Variants in LONRF2 observed in about 807,000 individuals in gnomAD.
The protein encoded by LONRF2 is LON peptidase N-terminal domain and ring finger 2, also known as LON peptidase N-terminal domain and RING finger protein 2.
A neutral mutation model predicts 66.6 loss-of-function variants in LONRF2; 35 were observed. The observed-to-expected ratio is 0.53, with a 90% CI of 0.40 to 0.70. The LOEUF (loss-of-function observed/expected upper bound fraction) is 0.70. LONRF2 is among the 30% of genes least tolerant of loss of function. The pLI is 0.00. For synonymous variants in LONRF2, 417 were observed against 418.1 expected (o/e 1.00, Z 0.03); for missense variants, 902 against 1,002.1 (o/e 0.90, Z 1.35).
chr2:100,295,691 G>C, intron 7 of LONRF2, 138 bp from the exon 8 acceptor site: 1 of 757,780 alleles, frequency 1.3e-6, no homozygotes, highest in Non-Finnish European at 2.0e-6. Context: ...AGAGAGAGGC[G>C]GGCCAGCCTG....
chr2:100,285,375 T>A (rs1483234593), intron 11 of LONRF2, among the ~76,000 whole-genome samples: 1 of 152,088 alleles, frequency 6.6e-6, no homozygotes, highest in African/African-American at 2.4e-5. Context: ...AAAACAACCT[T>A]TTATACAGAT....
chr2:100,300,298 C>A (rs7563954), intron 4 of LONRF2, among the ~76,000 whole-genome samples: 4 of 151,618 alleles, frequency 2.6e-5, no homozygotes, highest in Admixed American at 6.6e-5. Flanking sequence ...ATGTGTACAA[C>A]GTGCAGGTTT....
chr2:100,307,831 C>A (rs539326064), intron 2 of LONRF2, among the ~76,000 whole-genome samples: 1 of 152,270 alleles, frequency 6.6e-6, no homozygotes, highest in East Asian at 1.9e-4. Context: ...TTCAAATCTA[C>A]ATATTGCACC....
intron 2 of LONRF2, among the ~76,000 whole-genome samples, chr2:100,307,638 C>A (rs1373447455): frequency 6.6e-6 from 1 of 152,122 alleles, no homozygotes. Flanking sequence ...TTCAGCTGAA[C>A]AGGAGAAATA....
Position 100,272,582 on chromosome 2 carries a change from G to A in LONRF2, c.*11716C>T, listed in dbSNP as rs1185859735. On this transcript the variant is annotated 3_prime_UTR_variant, in exon 12 of 12. Transcript: ENST00000393437. Reference sequence around the variant, plus strand: ...AAAAAAGAAAAAAAAAGATGGGAAAGGTATCATAAAGGTGCCAGGAAGTTA... The same window carrying A: ...AAAAAAGAAAAAAAAAGATGGGAAAAGTATCATAAAGGTGCCAGGAAGTTA... 6.6e-6 allele frequency among the ~76,000 whole-genome samples: 1 copy of A among 151,928 alleles called. No homozygotes were observed. The highest frequency in any genetic ancestry group is 1.5e-5 in the Non-Finnish European group (1 of 67,996).
At chr2:100,305,314 T>TA (rs1239965143) in intron 2 of LONRF2, among the ~76,000 whole-genome samples, 1 of 152,008 alleles carries the variant, frequency 6.6e-6, no homozygotes, top group African/African-American at 2.4e-5. Flanking sequence ...TTATTTTTTT[T>TA]AATACAGTTC....
rs763651128 is a variant in LONRF2 at position 100,294,340 on chromosome 2, G to T, written c.1646C>A (p.Thr549Lys). 6.2e-7 allele frequency: 1 copy of T among 1,605,428 alleles called. No homozygotes were observed. Among genetic ancestry groups the T allele is most frequent in the Admixed American group, 1.7e-5 (1 of 57,692 alleles). Residue 549 changes from threonine to lysine, a missense_variant, in exon 9 of 12, where the codon ACG (threonine) becomes AAG (lysine). Around this residue, in one of 2 missense-constraint regions of LONRF2, gnomAD observed 317 missense variants for 432.2 expected, o/e 0.73. Transcript: ENST00000393437. The stretch of plus-strand genomic sequence containing the variant: ...AAAAACGTGGAGTGGACATGGGACC[G>T]TGGGGAAGGCCATGGCACACACAAA... ...PIFVCAMAFP[T>K]VPCPLHVFEP...
chr2:100,286,981 T>C lies in LONRF2; in HGVS notation c.2003A>G (p.Gln668Arg). 6.2e-7 allele frequency: 1 copy of C among 1,614,198 alleles called. No homozygotes were observed. Among genetic ancestry groups the C allele is most frequent in the African/African-American group, 1.3e-5 (1 of 75,044 alleles). The change falls in exon 11 of 12, where the codon CAG (glutamine) becomes CGG (arginine). Residue 668 changes from glutamine (Q) to arginine (R), a missense_variant. Transcript: ENST00000393437. Reference sequence around the variant, plus strand: ...TAAAATTTGTTCTTTCATGCGATCCTGGAGAGACGCGAACCAGGAAACAGA... The same window carrying C: ...TAAAATTTGTTCTTTCATGCGATCCCGGAGAGACGCGAACCAGGAAACAGA... ...QQSVSWFASLQDRMKEQILSH... is the reference protein window; with the variant it reads ...QQSVSWFASLRDRMKEQILSH...
rs896484969 is a variant in LONRF2 at position 100,321,836 on chromosome 2, C to G, written c.258G>C (p.Arg86=). The G allele has an allele frequency of 3.4e-5, 39 of 1,132,016 alleles. No individual in the cohort carries two copies. The highest frequency in any genetic ancestry group is 3.6e-5 in the Non-Finnish European group (33 of 927,338). The allele number at this position is 1,132,016 out of a possible 1,614,324, so 70.1% of individuals were successfully genotyped here. ...GCTCCTCCGGCCGCAGCGCCCCGAG[C>G]CGCGCGGCGCCGCGGAACGCGCCCA... is the stretch of plus-strand genomic sequence containing the variant. ...EALGAFRGAA[R]LGALRPEELE... The change falls in exon 1 of 12, where the codon CGG becomes CGC. Residue 86 remains arginine (R), a synonymous_variant. Coordinates refer to ENST00000393437, the MANE Select transcript of LONRF2 (RefSeq NM_198461.4).
At chr2:100,305,842 A>G (rs1184786007) in intron 2 of LONRF2, among the ~76,000 whole-genome samples, 1 of 152,120 alleles carries the variant, frequency 6.6e-6, no homozygotes, top group Non-Finnish European at 1.5e-5. Context: ...GTGGAGCCTG[A>G]ATCTTACATA....
rs1175766814 is a variant in LONRF2, at chr2:100,283,669, T to C, written c.*629A>G. 1.3e-5 allele frequency: 2 copies of C among 152,224 alleles called. No homozygotes were observed. The highest frequency in any genetic ancestry group is 4.8e-5 in the African/African-American group (2 of 41,452). 9.4% of individuals were successfully genotyped at this position (152,224 alleles called of 1,614,324 possible). A position where few individuals can be genotyped will look rare whatever the true frequency, so the allele number is the denominator to read the frequency against. ...TCTTATGTTTTGACATTCGTTTGAT[T>C]ACAACATGCAATTTACAACACCTGG... is the stretch of plus-strand genomic sequence containing the variant. On this transcript the variant is annotated 3_prime_UTR_variant, in exon 12 of 12. Coordinates refer to ENST00000393437, the MANE Select transcript of LONRF2 (RefSeq NM_198461.4).
chr2:100,309,333 T>C, intron 1 of LONRF2, 108 bp from the exon 2 acceptor site: 1 of 552,234 alleles, frequency 1.8e-6, no homozygotes, highest in Non-Finnish European at 3.1e-6. Context: ...GTATAAAGTA[T>C]AAATACAATA....
Position 100,284,395 on chromosome 2 carries a change from T to G in LONRF2, c.2168A>C (p.Lys723Thr). Residue 723 changes from lysine to threonine, a missense_variant, in exon 12 of 12, where the codon AAA becomes ACA. Physicochemically the swap from Lys to Thr is moderately conservative, Grantham distance 78. Around this residue, in one of 2 missense-constraint regions of LONRF2, gnomAD observed 317 missense variants for 432.2 expected, o/e 0.73. Coordinates refer to ENST00000393437, the MANE Select transcript of LONRF2 (RefSeq NM_198461.4). ...QLAILGMTSL[K>T]ERLLAIRRIL... ...CCGTCGGATGGCAAGGAGCCGCTCT[T>G]TGAGCGAGGTCATGCCGAGGATGGC... The G allele has an allele frequency of 6.2e-7, 1 of 1,602,902 alleles. No individual in the cohort carries two copies. The highest frequency in any genetic ancestry group is 8.5e-7 in the Non-Finnish European group (1 of 1,174,858).
intron 9 of LONRF2, among the ~76,000 whole-genome samples, chr2:100,291,235 C>T (rs1318787229): frequency 6.6e-6 from 1 of 152,012 alleles, no homozygotes; most frequent in Admixed American, 6.5e-5. Flanking sequence ...GAGTGCAGGT[C>T]TGGAGAGCTG....
rs991127230 is a variant in LONRF2, at chr2:100,280,652, G to C, written c.*3646C>G. On this transcript the variant is annotated 3_prime_UTR_variant, in exon 12 of 12. Coordinates refer to ENST00000393437, the MANE Select transcript of LONRF2 (RefSeq NM_198461.4). ...AAAAATTAGCTGGGTGTGGTGGCGC[G>C]TGCCTGTAATCCCAGCTACTCAGGG... 2.0e-5 allele frequency: 3 copies of C among 151,962 alleles called. No individual in the cohort carries two copies. Among genetic ancestry groups the C allele is most frequent in the African/African-American group, 4.8e-5 (2 of 41,334 alleles). 9.4% of individuals were successfully genotyped at this position (151,962 alleles called of 1,614,324 possible). A position where few individuals can be genotyped will look rare whatever the true frequency, so the allele number is the denominator to read the frequency against.
Position 100,271,982 on chromosome 2 carries a change from G to T in LONRF2, c.*12316C>A, listed in dbSNP as rs189737405. The stretch of plus-strand genomic sequence containing the variant: ...AAGATTAGTCACTGCATGAGGAAGC[G>T]GGAAAATGCCTGATCCTTACAACTC... On this transcript the variant is annotated 3_prime_UTR_variant, in exon 12 of 12. Transcript: ENST00000393437. Among the ~76,000 whole-genome samples, 3 of 152,206 alleles carry T rather than the reference G, an allele frequency of 2.0e-5. No individual in the cohort carries two copies. The highest frequency in any genetic ancestry group is 4.8e-5 in the African/African-American group (2 of 41,442).
intron 3 of LONRF2, among the ~76,000 whole-genome samples, chr2:100,302,275 T>A (rs1449209256): frequency 3.9e-5 from 6 of 152,198 alleles, no homozygotes; most frequent in Admixed American, 3.9e-4. Context: ...GTGGTTTGAA[T>A]TGTACAAGGA....
Position 100,321,751 on chromosome 2 carries a change from C to A in LONRF2, c.343G>T (p.Ala115Ser). The A allele has an allele frequency of 9.4e-7, 1 of 1,064,006 alleles. No individual in the cohort carries two copies. Among genetic ancestry groups the A allele is most frequent in the Non-Finnish European group, 1.1e-6 (1 of 883,566 alleles). 65.9% of individuals were successfully genotyped at this position (1,064,006 alleles called of 1,614,324 possible). Residue 115 changes from alanine (A) to serine (S), a missense_variant, in exon 1 of 12, where the codon GCG (alanine) becomes TCG (serine). This residue lies in a region of LONRF2 where 585 missense variants were observed against 569.9 expected (regional missense o/e 1.03). Coordinates refer to ENST00000393437, the MANE Select transcript of LONRF2 (RefSeq NM_198461.4). ...TCGGGCTCGCCGCCCGGGTTCTCCGCGGACAGCGGCCGGTCGCGCAGGCCC... is the reference window on the plus strand; with the variant it reads ...TCGGGCTCGCCGCCCGGGTTCTCCGAGGACAGCGGCCGGTCGCGCAGGCCC... ...AVGLRDRPLS[A>S]ENPGGEPEAP...
chr2:100,287,047 T>C lies in LONRF2; in HGVS notation c.1937A>G (p.Tyr646Cys), dbSNP rs374504487. 8.1e-6 allele frequency: 13 copies of C among 1,613,852 alleles called. No individual in the cohort carries two copies. Among genetic ancestry groups the C allele is most frequent in the Non-Finnish European group, 7.6e-6 (9 of 1,179,956 alleles). ...ATCGTGGAGAGCGGCAAGTTCTTCA[T>C]ACTCTGGACCCTCCACCTGATCAGG... ...LEDEKVEGPE[Y>C]EELAALHDSV... Residue 646 changes from tyrosine to cysteine, a missense_variant, in exon 11 of 12, where the codon TAT becomes TGT. By Grantham distance (194) the Tyr-to-Cys change is radical (BLOSUM62 -2). Coordinates refer to ENST00000393437, the MANE Select transcript of LONRF2 (RefSeq NM_198461.4).
Sources: allele counts gnomAD v4.1 joint callset (sites outside exome capture counted in the v4.1 genomes callset), GRCh38; gene constraint gnomAD v4.1.1; regional missense constraint gnomAD v4.1.1; transcripts MANE v1.5; gene names NCBI Gene and HGNC (gene_info 2026-07-23, HGNC 2026-07-21).